Variants in SLC35G2 observed in about 807,000 individuals in gnomAD.
SLC35G2 encodes transmembrane protein 22.
A neutral mutation model predicts 27.2 loss-of-function variants in SLC35G2; 20 were observed. The observed-to-expected ratio is 0.74, with a 90% CI of 0.52 to 1.07. The LOEUF (loss-of-function observed/expected upper bound fraction) is 1.07. Among genes scored for constraint, SLC35G2 ranks in the 50% least tolerant of loss-of-function variants. The pLI, the probability that SLC35G2 is intolerant of heterozygous loss-of-function variation, is 0.00. For missense variants in SLC35G2, 416 were observed against 493.3 expected (o/e 0.84, Z 1.48); for synonymous variants, 148 against 165.3 (o/e 0.90, Z 0.80).
rs1192225469 is a variant in SLC35G2, at chr3:136,855,385, C to T, written c.925C>T (p.Pro309Ser). ...GISTMFILQE[P>S]IIPLDGETWS... ...ATCTACTATGTTTATTCTTCAAGAA[C>T]CCATCATCCCATTAGATGGAGAAAC... Residue 309 changes from proline (P) to serine (S), a missense_variant, in exon 2 of 2, where the codon CCC (proline) becomes TCC (serine). By Grantham distance (74) the Pro-to-Ser change is moderately conservative. Coordinates refer to ENST00000446465, the MANE Select transcript of SLC35G2 (RefSeq NM_025246.3). 2 of 1,613,982 alleles carry T rather than the reference C, an allele frequency of 1.2e-6. No homozygotes were observed. The highest frequency in any genetic ancestry group is 1.6e-4 in the Middle Eastern group (1 of 6,084).
chr3:136,821,142 A>T (rs1936447627), intron 1 of SLC35G2, among the ~76,000 whole-genome samples: 1 of 152,164 alleles, frequency 6.6e-6, no homozygotes, highest in South Asian at 2.1e-4. Flanking sequence ...TCATTATAAG[A>T]ATTTTAGGTA....
intron 1 of SLC35G2, among the ~76,000 whole-genome samples, chr3:136,836,380 TC>T (rs1373550453): frequency 6.8e-6 from 1 of 147,098 alleles, no homozygotes; most frequent in Admixed American, 7.0e-5. Flanking sequence ...ACAGGCCACC[TC>T]CTTGGCCCCA....
chr3:136,832,886 G>GTTAGCCCGTA (rs1936765623), intron 1 of SLC35G2, among the ~76,000 whole-genome samples: 1 of 152,068 alleles, frequency 6.6e-6, no homozygotes, highest in Non-Finnish European at 1.5e-5. Context: ...GGCTAACATG[G>GTTAGCCCGTA]GGAAACCCCG....
At chr3:136,841,287 G>A (rs1388726400) in intron 1 of SLC35G2, among the ~76,000 whole-genome samples, 4 of 152,092 alleles carry the variant, frequency 2.6e-5, no homozygotes, top group Non-Finnish European at 4.4e-5. Context: ...ACTAGATTCC[G>A]GAATGTAACA....
intron 1 of SLC35G2, among the ~76,000 whole-genome samples, chr3:136,834,972 G>GT (rs1372946889): frequency 1.3e-5 from 2 of 152,122 alleles, no homozygotes; most frequent in South Asian, 2.1e-4. Context: ...CCAATCGAAG[G>GT]TAAGTTGCAG....
intron 1 of SLC35G2, among the ~76,000 whole-genome samples, chr3:136,844,503 A>C (rs1018134444): frequency 2.0e-5 from 3 of 149,758 alleles, no homozygotes; most frequent in Non-Finnish European, 3.0e-5. Context: ...AAAAAAAAAA[A>C]CAACAAATTT....
chr3:136,820,447 C>G (rs986583891), intron 1 of SLC35G2: 1 of 152,246 alleles, frequency 6.6e-6, no homozygotes, highest in African/African-American at 2.4e-5. Context: ...CACTGAAACT[C>G]TTTTCAGACA....
chr3:136,849,103 C>T (rs557881345), intron 1 of SLC35G2, among the ~76,000 whole-genome samples: 6 of 151,440 alleles, frequency 4.0e-5, no homozygotes, highest in Non-Finnish European at 8.8e-5. Flanking sequence ...CGCTTGAATC[C>T]GGAGGTGGAG....
At chr3:136,844,797 C>CAAAAA (rs58243269) in intron 1 of SLC35G2, among the ~76,000 whole-genome samples, 6 of 35,746 alleles carry the variant, frequency 1.7e-4, no homozygotes, top group African/African-American at 3.9e-4. Context: ...CTCTCTGTCT[C>CAAAAA]AAAAAAAAAA....
intron 1 of SLC35G2, among the ~76,000 whole-genome samples, chr3:136,851,495 T>TCA (rs1937627832): frequency 5.8e-4 from 1 of 1,732 alleles, no homozygotes; most frequent in Non-Finnish European, 2.8e-3. Flanking sequence ...AGACTCCGTC[T>TCA]CAAAAAAAAA....
chr3:136,845,147 A>T (rs6773117), intron 1 of SLC35G2, among the ~76,000 whole-genome samples: 104,289 of 152,146 alleles, frequency 0.69, 35,991 homozygotes, highest in East Asian at 0.87. Context: ...GAAAAATCTT[A>T]CTGGAAGGGT....
At chr3:136,843,322 C>CAAAAAAAAAA (rs36115986) in intron 1 of SLC35G2, 1 of 25,278 alleles carries the variant, frequency 4.0e-5, no homozygotes, top group African/African-American at 2.1e-4. Context: ...GACTCTGTCT[C>CAAAAAAAAAA]AAAAAAAAAA....
intron 1 of SLC35G2, among the ~76,000 whole-genome samples, chr3:136,823,200 G>A (rs1264446025): frequency 6.6e-6 from 1 of 152,096 alleles, no homozygotes; most frequent in African/African-American, 2.4e-5. Flanking sequence ...TTTGCTATTT[G>A]TATGTCTTCT....
At chr3:136,825,174 C>T (rs113192892) in intron 1 of SLC35G2, among the ~76,000 whole-genome samples, 5 of 151,598 alleles carry the variant, frequency 3.3e-5, no homozygotes, top group African/African-American at 9.7e-5. Context: ...TTTTCTAGAT[C>T]TTGAAGGAAA....
At chr3:136,844,806 AAAAAAAAAAAAAAAAAG>A (rs1183890451) in intron 1 of SLC35G2, among the ~76,000 whole-genome samples, 5 of 150,470 alleles carry the variant, frequency 3.3e-5, no homozygotes, top group Non-Finnish European at 7.4e-5. Flanking sequence ...TCAAAAAAAA[AAAAAAAAAAAAAAAAAG>A]AAAACAAGAC....
rs1936560359 is a variant in SLC35G2 at position 136,825,404 on chromosome 3, G to A, written c.-19+5776G>A. The stretch of plus-strand genomic sequence containing the variant: ...TACAGGCATGCACCACCATACCAAG[G>A]CTAATTTTTTGTATTTTTAGTAGAG... On this transcript the variant is annotated intron_variant, in intron 1 of 1. Coordinates refer to ENST00000446465, the MANE Select transcript of SLC35G2 (RefSeq NM_025246.3). 2.0e-5 allele frequency among the ~76,000 whole-genome samples: 3 copies of A among 151,772 alleles called. No individual in the cohort carries two copies. The South Asian group carries it at 6.2e-4, about 32-fold the overall frequency.
At chr3:136,851,261 G>A (rs746718818) in intron 1 of SLC35G2, among the ~76,000 whole-genome samples, 2 of 151,790 alleles carry the variant, frequency 1.3e-5, no homozygotes, top group Non-Finnish European at 2.9e-5. Flanking sequence ...TTGGGAGGCC[G>A]AGGTGGGCAG....
intron 1 of SLC35G2, among the ~76,000 whole-genome samples, chr3:136,850,124 T>G (rs752889311): frequency 9.9e-5 from 15 of 152,058 alleles, no homozygotes; most frequent in Non-Finnish European, 2.1e-4. Flanking sequence ...AATAAATAAC[T>G]AAAAACAAAC....
intron 1 of SLC35G2, among the ~76,000 whole-genome samples, chr3:136,846,233 CT>C (rs1239233602): frequency 1.3e-5 from 2 of 152,154 alleles, no homozygotes; most frequent in African/African-American, 4.8e-5. Flanking sequence ...TTCTGTATTA[CT>C]TTTCTCAGCC....
Sources: gnomAD v4.1 joint callset for allele counts (sites outside exome capture counted in the v4.1 genomes callset) on GRCh38, gnomAD v4.1.1 for gene constraint, MANE v1.5 for transcripts, NCBI Gene and HGNC (gene_info 2026-07-23, HGNC 2026-07-21) for gene names.